DPH6: variants seen among roughly 807,000 people sequenced by gnomAD.
DPH6 encodes diphthine--ammonia ligase.
DPH6 carries 33 observed loss-of-function variants against 38.2 expected under a neutral mutation model. That is an observed-to-expected ratio of 0.86 (90% CI 0.65 to 1.15). The LOEUF (loss-of-function observed/expected upper bound fraction) is 1.15, where lower values mean the gene tolerates loss of function less well. Among genes scored for constraint, DPH6 ranks in the 50% most tolerant of loss-of-function variants. DPH6 has a pLI of 0.00. For synonymous variants in DPH6, 108 were observed against 103.0 expected, an observed-to-expected ratio of 1.05 and a Z score of -0.30; for missense variants, 325 against 320.0, an observed-to-expected ratio of 1.02 and a Z score of -0.12.
the DPH6 span, among the ~76,000 whole-genome samples, chr15:35,145,934 TTTAA>T: frequency 6.6e-6 from 1 of 152,178 alleles, no homozygotes; most frequent in Non-Finnish European, 1.5e-5. Flanking sequence ...ATATGAAACA[TTTAA>T]ATCCCCTCTG....
intron 3 of DPH6, chr15:35,520,272 G>A (rs1237146982): frequency 8.9e-6 from 8 of 902,252 alleles, no homozygotes; most frequent in Non-Finnish European, 1.1e-5. Context: ...TGAAATCCTC[G>A]CCTATTTTAA....
At chr15:35,543,868 T>C (rs1445824074) in intron 1 of DPH6, among the ~76,000 whole-genome samples, 1 of 152,204 alleles carries the variant, frequency 6.6e-6, no homozygotes, top group Non-Finnish European at 1.5e-5. Context: ...TATGACTAAT[T>C]GTTTCAGATA....
intron 3 of DPH6, among the ~76,000 whole-genome samples, chr15:35,487,172 G>A (rs1358961499): frequency 6.6e-6 from 1 of 152,144 alleles, no homozygotes; most frequent in Non-Finnish European, 1.5e-5. Context: ...GCTTTTCCAG[G>A]CACACAGTGC....
chr15:35,471,492 C>T (rs1307328785), intron 3 of DPH6, among the ~76,000 whole-genome samples: 1 of 152,212 alleles, frequency 6.6e-6, no homozygotes, highest in African/African-American at 2.4e-5. Flanking sequence ...TTCTCAAAAT[C>T]AATCCCTCCA....
intron 3 of DPH6, among the ~76,000 whole-genome samples, chr15:35,491,903 A>T (rs1403573282): frequency 6.6e-6 from 1 of 151,694 alleles, no homozygotes; most frequent in African/African-American, 2.4e-5. Flanking sequence ...TATATCTCTT[A>T]TATGTATCTA....
At position 35,478,641 on chromosome 15, in the gene DPH6, G is replaced by A. The variant is rs113899055; in HGVS notation, c.313-23821C>T. Among the ~76,000 whole-genome samples the A allele has an allele frequency of 6.6e-3, 1,000 of 151,898 alleles. 18 individuals carry two copies. The highest frequency in any genetic ancestry group is 0.023 in the African/African-American group (960 of 41,456). On this transcript the variant is annotated intron_variant, in intron 3 of 8. Coordinates refer to ENST00000256538, the MANE Select transcript of DPH6 (RefSeq NM_080650.4). ...AGAGGAACTCAATGCAATTTCATCCGTTAAAACCAAATCTGGGGTGGTCTA... is the reference window on the plus strand; with the variant it reads ...AGAGGAACTCAATGCAATTTCATCCATTAAAACCAAATCTGGGGTGGTCTA...
chr15:35,471,389 C>G (rs1353155878), intron 3 of DPH6, among the ~76,000 whole-genome samples: 1 of 152,152 alleles, frequency 6.6e-6, no homozygotes. Flanking sequence ...CAGATCCTCT[C>G]AGCTCTCCCT....
intron 5 of DPH6, among the ~76,000 whole-genome samples, chr15:35,446,229 CTTTTTTTTT>C (rs71123132): frequency 1.1e-5 from 1 of 95,026 alleles, no homozygotes; most frequent in Non-Finnish European, 2.1e-5. Flanking sequence ...TTTTTTTTTC[CTTTTTTTTT>C]TTTTTTTTTC....
At chr15:35,262,826 G>T (rs1033205707) in intron 3 of DPH6, among the ~76,000 whole-genome samples, 1 of 151,152 alleles carries the variant, frequency 6.6e-6, no homozygotes, top group Non-Finnish European at 1.5e-5. Context: ...CTCTGGGAGA[G>T]ATCTTTACCA....
chr15:35,515,724 A>G (rs956108296), intron 3 of DPH6, among the ~76,000 whole-genome samples: 2,321 of 124,446 alleles, frequency 0.019, 66 homozygotes, highest in African/African-American at 0.076. Context: ...CCGTCTCAGA[A>G]AAAAAAAAAA....
At chr15:35,523,078 T>G (rs2054944331) in intron 3 of DPH6, among the ~76,000 whole-genome samples, 1 of 152,038 alleles carries the variant, frequency 6.6e-6, no homozygotes, top group South Asian at 2.1e-4. Flanking sequence ...GGAGTGTATT[T>G]TTTTGTGTTT....
Position 35,523,159 on chromosome 15 carries a change from T to C in DPH6, c.312+15115A>G, listed in dbSNP as rs187109837. Among the ~76,000 whole-genome samples, 204 of 151,994 alleles carry C rather than the reference T, an allele frequency of 1.3e-3. 2 individuals carry two copies. Among genetic ancestry groups the C allele is most frequent in the African/African-American group, 4.7e-3 (195 of 41,500 alleles). On this transcript the variant is annotated intron_variant, in intron 3 of 8. Coordinates refer to ENST00000256538, the MANE Select transcript of DPH6 (RefSeq NM_080650.4). ...CAGGGCTGCTAGCAGTACATAAGGGTATCTGTTTCTTCAAAACCATTATTA... is the reference window on the plus strand; with the variant it reads ...CAGGGCTGCTAGCAGTACATAAGGGCATCTGTTTCTTCAAAACCATTATTA...
the DPH6 span, among the ~76,000 whole-genome samples, chr15:35,199,990 G>A: frequency 6.6e-6 from 1 of 152,026 alleles, no homozygotes; most frequent in African/African-American, 2.4e-5. Context: ...CAAGGTAGAG[G>A]TACAGTATAG....
At chr15:35,339,364 A>T (rs1242301077) in intron 3 of DPH6, among the ~76,000 whole-genome samples, 1 of 151,462 alleles carries the variant, frequency 6.6e-6, no homozygotes, top group Non-Finnish European at 1.5e-5. Context: ...TCGCTCTGTC[A>T]CCCAGGCCGG....
downstream of DPH6, among the ~76,000 whole-genome samples, chr15:35,213,681 C>A (rs1469214407): frequency 6.6e-6 from 1 of 152,166 alleles, no homozygotes; most frequent in Non-Finnish European, 1.5e-5. Context: ...TCCCCAAAGC[C>A]ATCTCACCTG....
chr15:35,210,406 T>C, the DPH6 span, among the ~76,000 whole-genome samples: 1 of 152,168 alleles, frequency 6.6e-6, no homozygotes, highest in African/African-American at 2.4e-5. Flanking sequence ...CCATCATTAT[T>C]ATTTCTGAAT....
chr15:35,375,239 A>T lies in DPH6; in HGVS notation c.663-1631T>A, dbSNP rs867664952. Among the ~76,000 whole-genome samples, 5 of 152,238 alleles carry T rather than the reference A, an allele frequency of 3.3e-5. 1 individual carries two copies. Among genetic ancestry groups the T allele is most frequent in the Middle Eastern group, 3.4e-3 (1 of 294 alleles). ...AATAGCTTAAATGATCTGAATCAAG[A>T]TTATTACCCAGAGAGAATATATGAC... is the stretch of plus-strand genomic sequence containing the variant. On this transcript the variant is annotated intron_variant, in intron 7 of 8. Transcript: ENST00000256538.
chr15:35,523,457 T>C (rs2054953460), intron 3 of DPH6, among the ~76,000 whole-genome samples: 1 of 151,982 alleles, frequency 6.6e-6, no homozygotes, highest in Non-Finnish European at 1.5e-5. Context: ...TTAAGGTTGG[T>C]AGCTTTACAT....
chr15:35,368,708 T>C (rs1948481414), downstream of DPH6, among the ~76,000 whole-genome samples: 1 of 152,016 alleles, frequency 6.6e-6, no homozygotes, highest in Non-Finnish European at 1.5e-5. Context: ...CATTCTGTGG[T>C]TGAGTTACTA....
Sources: allele counts gnomAD v4.1 joint callset (sites outside exome capture counted in the v4.1 genomes callset), GRCh38; gene constraint gnomAD v4.1.1; transcripts MANE v1.5; gene names NCBI Gene and HGNC (gene_info 2026-07-23, HGNC 2026-07-21).